Variants in RNLS observed in about 807,000 individuals in gnomAD.
The protein encoded by RNLS is renalase.
Under a neutral mutation model 39.8 loss-of-function variants are expected in RNLS, and 39 were observed. The observed-to-expected ratio is 0.98, with a 90% CI of 0.76 to 1.28. The LOEUF is 1.28. Among genes scored for constraint, RNLS ranks in the 50% most tolerant of loss-of-function variants. RNLS has a pLI of 0.00. For synonymous variants in RNLS, 147 were observed against 150.7 expected, an observed-to-expected ratio of 0.98 and a Z score of 0.18; for missense variants, 410 against 413.3, an observed-to-expected ratio of 0.99 and a Z score of 0.07.
chr10:88,224,314 C>A, the RNLS span, among the ~76,000 whole-genome samples: 1 of 152,148 alleles, frequency 6.6e-6, no homozygotes, highest in Non-Finnish European at 1.5e-5. Flanking sequence ...ATCTTAACCA[C>A]CTCCTAAAGC....
chr10:88,350,375 T>TC (rs1042313969), intron 5 of RNLS, among the ~76,000 whole-genome samples: 1 of 152,024 alleles, frequency 6.6e-6, no homozygotes, highest in Admixed American at 6.6e-5. Context: ...ATGCTATCCC[T>TC]CCCCCCTCCT....
the RNLS span, among the ~76,000 whole-genome samples, chr10:88,194,455 G>C: frequency 2.6e-5 from 4 of 152,220 alleles, no homozygotes; most frequent in Non-Finnish European, 5.9e-5. Context: ...GATGACTCAG[G>C]TGATATCTCT....
intron 4 of RNLS, among the ~76,000 whole-genome samples, chr10:88,553,795 A>G (rs1848716057): frequency 6.6e-6 from 1 of 152,162 alleles, no homozygotes; most frequent in Non-Finnish European, 1.5e-5. Context: ...CGCTAAAGAA[A>G]CATATACCCA....
chr10:88,520,732 T>C (rs1428357367), intron 4 of RNLS, among the ~76,000 whole-genome samples: 2 of 151,946 alleles, frequency 1.3e-5, no homozygotes, highest in East Asian at 3.9e-4. Flanking sequence ...CAGAATAGAA[T>C]CATGTCCCCA....
At chr10:88,173,993 A>ATTT in the RNLS span, among the ~76,000 whole-genome samples, 6 of 144,390 alleles carry the variant, frequency 4.2e-5, no homozygotes, top group African/African-American at 1.0e-4. Flanking sequence ...ATTCCTTGGT[A>ATTT]TTTTTTTTTT....
chr10:88,439,773 A>T (rs1259046494), intron 4 of RNLS, among the ~76,000 whole-genome samples: 1 of 152,212 alleles, frequency 6.6e-6, no homozygotes, highest in Non-Finnish European at 1.5e-5. Context: ...CTGAGTCCAG[A>T]CTAACACTCC....
At position 88,501,857 on chromosome 10, in the gene RNLS, C is replaced by T. The variant is rs191874540; in HGVS notation, c.526+71046G>A. 2.6e-5 allele frequency among the ~76,000 whole-genome samples: 4 copies of T among 152,218 alleles called. No homozygotes were observed. The East Asian group carries it at 7.7e-4, about 29-fold the overall frequency. ...CAAAGCTCTCTCTTATTTTGCTCAT[C>T]CAGACAAGAAATTTGTTCCATATGA... On this transcript the variant is annotated intron_variant, in intron 4 of 6. Coordinates refer to ENST00000331772, the MANE Select transcript of RNLS (RefSeq NM_001031709.3).
the RNLS span, among the ~76,000 whole-genome samples, chr10:88,188,183 C>A: frequency 6.6e-6 from 1 of 152,094 alleles, no homozygotes; most frequent in Non-Finnish European, 1.5e-5. Flanking sequence ...CAGCCTCCTG[C>A]ATAGCTAGGA....
intron 5 of RNLS, among the ~76,000 whole-genome samples, chr10:88,324,015 A>T (rs1846377638): frequency 6.6e-6 from 1 of 152,208 alleles, no homozygotes; most frequent in East Asian, 1.9e-4. Flanking sequence ...AGAAATGCAA[A>T]TCAAAATCGC....
chr10:88,525,858 C>T (rs1350237717), intron 4 of RNLS, among the ~76,000 whole-genome samples: 1 of 152,024 alleles, frequency 6.6e-6, no homozygotes, highest in African/African-American at 2.4e-5. Flanking sequence ...TTATCAGACA[C>T]TAGAGATTAT....
chr10:88,174,395 G>T, the RNLS span, among the ~76,000 whole-genome samples: 1 of 152,082 alleles, frequency 6.6e-6, no homozygotes, highest in Non-Finnish European at 1.5e-5. Flanking sequence ...TTAGCTGTGG[G>T]TTTGTCATAT....
chr10:88,259,680 G>A, the RNLS span, among the ~76,000 whole-genome samples: 1,015 of 152,188 alleles, frequency 6.7e-3, 6 homozygotes, highest in Middle Eastern at 0.027. Context: ...CAAGTATATG[G>A]GAGGATTCAA....
chr10:88,475,984 T>C (rs1191704757), intron 4 of RNLS, among the ~76,000 whole-genome samples: 1 of 152,144 alleles, frequency 6.6e-6, no homozygotes, highest in Non-Finnish European at 1.5e-5. Context: ...TACAGGACAT[T>C]ACTCTTTGGA....
intron 4 of RNLS, among the ~76,000 whole-genome samples, chr10:88,570,318 A>T (rs1849751340): frequency 6.6e-6 from 1 of 152,240 alleles, no homozygotes; most frequent in South Asian, 2.1e-4. Context: ...TAGAATATGA[A>T]TAGAATAAGA....
chr10:88,476,235 G>C (rs1230718459), intron 4 of RNLS, among the ~76,000 whole-genome samples: 1 of 152,076 alleles, frequency 6.6e-6, no homozygotes, highest in Non-Finnish European at 1.5e-5. Flanking sequence ...TTTTGTTTTG[G>C]TGGTTGTTAC....
At chr10:88,409,160 C>T (rs1853496358) in intron 4 of RNLS, among the ~76,000 whole-genome samples, 1 of 152,068 alleles carries the variant, frequency 6.6e-6, no homozygotes, top group African/African-American at 2.4e-5. Context: ...ACCAAAGCCA[C>T]CATTTTCAAT....
At chr10:88,224,118 G>T in the RNLS span, among the ~76,000 whole-genome samples, 2 of 152,028 alleles carry the variant, frequency 1.3e-5, no homozygotes, top group East Asian at 3.9e-4. Flanking sequence ...TCAGGCTGCT[G>T]TAACAAAATA....
At chr10:88,510,071 A>T (rs192379762) in intron 4 of RNLS, among the ~76,000 whole-genome samples, 1 of 152,284 alleles carries the variant, frequency 6.6e-6, no homozygotes, top group Admixed American at 6.5e-5. Context: ...ATAAATGAAC[A>T]TTTAGAAAAT....
At chr10:88,288,320 G>C (rs947977762) in intron 6 of RNLS, among the ~76,000 whole-genome samples, 1 of 152,034 alleles carries the variant, frequency 6.6e-6, no homozygotes. Context: ...ACAGGGATTC[G>C]AACATAGCAG....
Sources: gnomAD v4.1 joint callset for allele counts (sites outside exome capture counted in the v4.1 genomes callset) on GRCh38, gnomAD v4.1.1 for gene constraint, MANE v1.5 for transcripts, NCBI Gene and HGNC (gene_info 2026-07-23, HGNC 2026-07-21) for gene names.